Variants in DNER observed in about 807,000 individuals in gnomAD.
DNER encodes the protein delta and Notch-like epidermal growth factor-related receptor.
A neutral mutation model predicts 78.2 loss-of-function variants in DNER; 33 were observed. That is an observed-to-expected ratio of 0.42 (90% CI 0.32 to 0.56). The LOEUF (loss-of-function observed/expected upper bound fraction) is 0.56. Ranked by LOEUF, DNER falls within the 20% of genes least tolerant of loss-of-function variation. The probability of loss-of-function intolerance (pLI) is 0.11; values close to 1 mark genes in which losing one functional copy is unlikely to be tolerated. For missense variants in DNER, 918 were observed against 975.3 expected, an observed-to-expected ratio of 0.94 and a Z score of 0.78; for synonymous variants, 417 against 384.8, an observed-to-expected ratio of 1.08 and a Z score of -0.98.
At chr2:229,428,684 A>AG (rs397805448) in intron 8 of DNER, among the ~76,000 whole-genome samples, 1 of 151,652 alleles carries the variant, frequency 6.6e-6, no homozygotes, top group Non-Finnish European at 1.5e-5. Flanking sequence ...AAAAAAAAAA[A>AG]TCAGTTCATT....
In DNER at chr2:229,666,085, G is replaced by A. The variant is rs114994219; in HGVS notation, c.276+48063C>T. On this transcript the variant is annotated intron_variant, in intron 1 of 12. Coordinates refer to ENST00000341772, the MANE Select transcript of DNER (RefSeq NM_139072.4). ...CTTCTCTTAGCAGAGATTTCCTATC[G>A]TATTTCCCATTGTATCCTGCAATGG... Among the ~76,000 whole-genome samples the A allele has an allele frequency of 3.9e-5, 6 of 152,038 alleles. 1 individual carries two copies. Among genetic ancestry groups the A allele is most frequent in the African/African-American group, 4.8e-5 (2 of 41,398 alleles).
chr2:229,512,149 G>A (rs557436464), intron 6 of DNER, among the ~76,000 whole-genome samples: 1 of 152,294 alleles, frequency 6.6e-6, no homozygotes, highest in South Asian at 2.1e-4. Context: ...TTGGGAGGTG[G>A]AGGCAGGTGG....
chr2:229,624,369 T>C (rs1698301499), intron 1 of DNER, among the ~76,000 whole-genome samples: 1 of 152,176 alleles, frequency 6.6e-6, no homozygotes, highest in South Asian at 2.1e-4. Context: ...CAGGAAATAT[T>C]CTGCAGCAAG....
At position 229,357,880 on chromosome 2, in the gene DNER, C is replaced by A. The variant is rs1692122777; in HGVS notation, c.*660G>T. ...TTTAAAGAAAAATATAGATTCAAAT[C>A]AATCAGAATTTGCCTCGCTAGGCCT... On this transcript the variant is annotated 3_prime_UTR_variant, in exon 13 of 13. Transcript: ENST00000341772. 1 of 152,544 alleles carries A rather than the reference C, an allele frequency of 6.6e-6. No homozygotes were observed. The highest frequency in any genetic ancestry group is 2.4e-5 in the African/African-American group (1 of 41,444). The allele number at this position is 152,544 out of a possible 1,614,324, so 9.4% of individuals were successfully genotyped here.
At chr2:229,493,183 C>T (rs115232941) in intron 6 of DNER, among the ~76,000 whole-genome samples, 233 of 152,244 alleles carry the variant, frequency 1.5e-3, no homozygotes, top group Middle Eastern at 3.4e-3. Context: ...ACAACATTCC[C>T]GTTGCCTCGG....
chr2:229,398,545 C>T (rs111731903), intron 10 of DNER, among the ~76,000 whole-genome samples: 5,087 of 152,018 alleles, frequency 0.033, 132 homozygotes, highest in African/African-American at 0.072. Flanking sequence ...TACATAATAA[C>T]TTTTTTAAAA....
chr2:229,366,968 G>A lies in DNER; in HGVS notation c.2007C>T (p.Tyr669=). ...VGICRISRIE[Y]QGSSRPAYEE... ...CATAGGCTGGCCTGGAAGAACCCTG[G>A]TATTCAATGCGGCTGATGCGGCAAA... The change falls in exon 12 of 13, where the codon TAC becomes TAT. Residue 669 remains tyrosine (Y), a synonymous_variant. Coordinates refer to ENST00000341772, the MANE Select transcript of DNER (RefSeq NM_139072.4). 1 of 1,614,136 alleles carries A rather than the reference G, an allele frequency of 6.2e-7. No individual in the cohort carries two copies. The highest frequency in any genetic ancestry group is 1.1e-5 in the South Asian group (1 of 91,080).
intron 1 of DNER, among the ~76,000 whole-genome samples, chr2:229,698,198 G>A (rs563345967): frequency 8.5e-5 from 13 of 152,176 alleles, no homozygotes; most frequent in East Asian, 7.7e-4. Context: ...GTGACAGAGC[G>A]AGACTCTGTG....
chr2:229,588,990 G>C (rs1336926141), intron 2 of DNER, among the ~76,000 whole-genome samples: 1 of 152,182 alleles, frequency 6.6e-6, no homozygotes, highest in Non-Finnish European at 1.5e-5. Context: ...GCTAAGGCTG[G>C]GGAGCTTGAA....
intron 10 of DNER, 136 bp downstream of exon 10, chr2:229,407,096 G>T: frequency 2.7e-6 from 2 of 750,778 alleles, no homozygotes; most frequent in Non-Finnish European, 4.4e-6. Flanking sequence ...CTTCATCCAA[G>T]CCATGCCTCC....
chr2:229,647,106 G>A (rs1377483835), intron 1 of DNER, among the ~76,000 whole-genome samples: 2 of 152,210 alleles, frequency 1.3e-5, no homozygotes, highest in African/African-American at 4.8e-5. Context: ...GGAGGAGGTT[G>A]CAGTGAGCCA....
intron 1 of DNER, among the ~76,000 whole-genome samples, chr2:229,660,722 T>A (rs1384113533): frequency 1.3e-5 from 2 of 152,230 alleles, no homozygotes; most frequent in Non-Finnish European, 2.9e-5. Flanking sequence ...TACCCTGGTA[T>A]CATTAGCATA....
At chr2:229,446,823 A>G (rs1694352212) in intron 8 of DNER, among the ~76,000 whole-genome samples, 1 of 152,212 alleles carries the variant, frequency 6.6e-6, no homozygotes, top group Non-Finnish European at 1.5e-5. Context: ...CATAATGTGC[A>G]TAGAGTAACA....
intron 1 of DNER, among the ~76,000 whole-genome samples, chr2:229,642,712 T>C (rs1323892921): frequency 6.6e-6 from 1 of 152,210 alleles, no homozygotes; most frequent in Admixed American, 6.5e-5. Context: ...ACTTTTGGAC[T>C]TCCTCAACAG....
intron 1 of DNER, among the ~76,000 whole-genome samples, chr2:229,672,638 TAGAG>T (rs1217256231): frequency 6.7e-6 from 1 of 149,762 alleles, no homozygotes; most frequent in Admixed American, 6.7e-5. Flanking sequence ...GAGAGAAAGA[TAGAG>T]AAAGGACTTG....
chr2:229,501,705 A>G (rs1695627490), intron 6 of DNER, among the ~76,000 whole-genome samples: 1 of 152,356 alleles, frequency 6.6e-6, no homozygotes, highest in African/African-American at 2.4e-5. Flanking sequence ...TGTAATAATT[A>G]GAGCATAGTG....
chr2:229,668,054 AGT>A (rs1286459771), intron 1 of DNER, among the ~76,000 whole-genome samples: 2 of 152,310 alleles, frequency 1.3e-5, no homozygotes, highest in African/African-American at 4.8e-5. Flanking sequence ...CTTGCCAAAT[AGT>A]GTCTCTTACT....
chr2:229,607,973 G>A (rs12471720), intron 1 of DNER, among the ~76,000 whole-genome samples: 80,527 of 143,512 alleles, frequency 0.56, 22,827 homozygotes, highest in Non-Finnish European at 0.64. Flanking sequence ...AGTGAGCCGA[G>A]ATCATACCAC....
At chr2:229,684,140 G>C (rs1699437723) in intron 1 of DNER, among the ~76,000 whole-genome samples, 1 of 115,996 alleles carries the variant, frequency 8.6e-6, no homozygotes, top group Non-Finnish European at 1.8e-5. Flanking sequence ...GTGTGTCTGT[G>C]TATGTGAGAG....
Sources: gnomAD v4.1 joint callset for allele counts (sites outside exome capture counted in the v4.1 genomes callset) on GRCh38, gnomAD v4.1.1 for gene constraint, MANE v1.5 for transcripts, NCBI Gene and HGNC (gene_info 2026-07-23, HGNC 2026-07-21) for gene names.